The following UGT1A7 variants were observed in gnomAD, a reference collection of about 807,000 sequenced individuals.
UGT1A7 encodes UDP glucuronosyltransferase family 1 member A7, also known as UDP-glucuronosyltransferase 1A7.
UGT1A7 carries 33 observed loss-of-function variants against 45.6 expected under a neutral mutation model. That is an observed-to-expected ratio of 0.72 (90% confidence interval 0.55 to 0.97). The LOEUF is 0.97. Among genes scored for constraint, UGT1A7 ranks in the 50% least tolerant of loss-of-function variants. The pLI is 0.00. For synonymous variants in UGT1A7, 274 were observed against 250.6 expected (o/e 1.09, Z -0.88); for missense variants, 684 against 666.2 (o/e 1.03, Z -0.29).
chr2:233,769,576 T>C lies in UGT1A7; in HGVS notation c.1295+1137T>C. The C allele has an allele frequency of 3.1e-6, 5 of 1,612,860 alleles. No individual in the cohort carries two copies. Among genetic ancestry groups the C allele is most frequent in the Non-Finnish European group, 4.2e-6 (5 of 1,179,860 alleles). ...GACAGATGTGAAGAGCTGGAGCATG[T>C]TCAGATGAGAGGAGACGGAACACGG... On this transcript the variant is annotated intron_variant, in intron 4 of 4. Coordinates refer to ENST00000373426, the MANE Select transcript of UGT1A7 (RefSeq NM_019077.3). The surrounding 1 kb of genome is among the most constrained non-coding windows in gnomAD (Gnocchi z 4.4).
rs528831440 is a variant in UGT1A7, at chr2:233,734,491, G to GT, written c.856-32536dup. Among the ~76,000 whole-genome samples, 467 of 152,022 alleles carry GT rather than the reference G, an allele frequency of 3.1e-3. 1 individual carries two copies. Among genetic ancestry groups the GT allele is most frequent in the Admixed American group, 5.0e-3 (77 of 15,264 alleles). On this transcript the variant is annotated intron_variant, in intron 1 of 4. Coordinates refer to ENST00000373426, the MANE Select transcript of UGT1A7 (RefSeq NM_019077.3). ...CCTGGATTCATTGATTTTTTTGAAG[G>GT]TTTTTTTGTGTCTCTATCTCTTTCA...
At chr2:233,718,963 T>C (rs138086321) in intron 1 of UGT1A7, 288 of 1,614,194 alleles carry the variant, frequency 1.8e-4, no homozygotes, top group South Asian at 4.9e-4. Context: ...CGGGAGGCCT[T>C]GCGGGAGCTC....
intron 1 of UGT1A7, among the ~76,000 whole-genome samples, chr2:233,739,658 C>G (rs1397600161): frequency 6.6e-6 from 1 of 152,228 alleles, no homozygotes; most frequent in Non-Finnish European, 1.5e-5. Context: ...TCTGTACCCC[C>G]ATTGTGTCTT....
At chr2:233,767,198 A>G in intron 2 of UGT1A7, 33 bp downstream of exon 2, 1 of 1,613,498 alleles carries the variant, frequency 6.2e-7, no homozygotes, top group Non-Finnish European at 8.5e-7. Flanking sequence ...CCTCATATCT[A>G]TTTTCACAGG....
intron 1 of UGT1A7, among the ~76,000 whole-genome samples, chr2:233,697,029 G>T (rs561369376): frequency 6.6e-6 from 1 of 152,092 alleles, no homozygotes; most frequent in South Asian, 2.1e-4. Context: ...ATATGGGCCC[G>T]CAGTTTTCTT....
At chr2:233,713,443 C>G (rs1477253039) in intron 1 of UGT1A7, 1 of 1,614,054 alleles carries the variant, frequency 6.2e-7, no homozygotes, top group African/African-American at 1.3e-5. Context: ...GTGGTTCTAA[C>G]AGACCCCTTT....
chr2:233,703,685 T>G (rs1041674498), intron 1 of UGT1A7, among the ~76,000 whole-genome samples: 1 of 152,164 alleles, frequency 6.6e-6, no homozygotes, highest in East Asian at 1.9e-4. Context: ...ATATTTTTTT[T>G]CCACCATTTA....
Position 233,772,397 on chromosome 2 carries a change from C to A in UGT1A7, c.1431C>A (p.Asp477Glu). Residue 477 changes from aspartate (D) to glutamate (E), a missense_variant, in exon 5 of 5, where the codon GAC becomes GAA. By Grantham distance (45) the Asp-to-Glu change is conservative. Coordinates refer to ENST00000373426, the MANE Select transcript of UGT1A7 (RefSeq NM_019077.3). ...GAPHLRPAAH[D>E]LTWYQYHSLD... The stretch of plus-strand genomic sequence containing the variant: ...CACACCTGCGCCCCGCAGCCCACGA[C>A]CTCACCTGGTACCAGTACCATTCCT... The A allele has an allele frequency of 6.2e-7, 1 of 1,614,254 alleles. No individual in the cohort carries two copies. The highest frequency in any genetic ancestry group is 8.5e-7 in the Non-Finnish European group (1 of 1,180,050).
chr2:233,750,292 G>T (rs1321063731), intron 1 of UGT1A7, among the ~76,000 whole-genome samples: 1 of 151,952 alleles, frequency 6.6e-6, no homozygotes, highest in Non-Finnish European at 1.5e-5. Context: ...GTGGCATTTT[G>T]CCCCTGCCCT....
intron 1 of UGT1A7, among the ~76,000 whole-genome samples, chr2:233,692,510 T>C (rs1457280263): frequency 1.3e-5 from 2 of 152,160 alleles, no homozygotes; most frequent in Non-Finnish European, 2.9e-5. Context: ...CCTTAACCTG[T>C]GGGGTCCGTG....
chr2:233,706,865 A>T (rs2075928128), intron 1 of UGT1A7, among the ~76,000 whole-genome samples: 1 of 152,188 alleles, frequency 6.6e-6, no homozygotes, highest in South Asian at 2.1e-4. Flanking sequence ...AGATTCCTAG[A>T]CCTGGCACTT....
At chr2:233,713,803 C>T (rs2076347667) in intron 1 of UGT1A7, 2 of 1,614,054 alleles carry the variant, frequency 1.2e-6, no homozygotes, top group Non-Finnish European at 1.7e-6. Context: ...CCGATCATGC[C>T]CAACATGGTC....
chr2:233,760,162 T>C (rs967006180), intron 1 of UGT1A7: 7 of 1,514,606 alleles, frequency 4.6e-6, no homozygotes, highest in Admixed American at 4.0e-5. Flanking sequence ...CTGCTACCTT[T>C]GTGGACTGAC....
intron 1 of UGT1A7, among the ~76,000 whole-genome samples, chr2:233,715,749 G>C (rs1295869903): frequency 1.3e-5 from 2 of 152,196 alleles, no homozygotes; most frequent in African/African-American, 2.4e-5. Flanking sequence ...TCCAGCCTGA[G>C]TGACAGAGCG....
In UGT1A7 at chr2:233,767,859, G is replaced by C. The variant is rs750453538; in HGVS notation, c.998G>C (p.Arg333Pro). ...LGKIPQTVLWRYTGTRPSNLA... is the reference protein window; with the variant it reads ...LGKIPQTVLWPYTGTRPSNLA... Reference sequence around the variant, plus strand: ...TTTTGCCCCTCCCAGGTCCTGTGGCGGTACACTGGAACCCGACCATCGAAT... The same window carrying C: ...TTTTGCCCCTCCCAGGTCCTGTGGCCGTACACTGGAACCCGACCATCGAAT... Residue 333 changes from arginine to proline, a missense_variant, in exon 3 of 5, where the codon CGG becomes CCG. Physicochemically the swap from Arg to Pro is moderately radical, Grantham distance 103 (BLOSUM62 -2). Transcript: ENST00000373426. 6.2e-7 allele frequency: 1 copy of C among 1,613,938 alleles called. No individual in the cohort carries two copies. The highest frequency in any genetic ancestry group is 1.3e-5 in the African/African-American group (1 of 74,850).
In UGT1A7 at chr2:233,772,799, AT is replaced by A; in HGVS notation, c.*245del. 3 of 1,169,378 alleles carry A rather than the reference AT, an allele frequency of 2.6e-6. No homozygotes were observed. The highest frequency in any genetic ancestry group is 3.4e-6 in the Non-Finnish European group (3 of 874,384). 72.4% of individuals were successfully genotyped at this position (1,169,378 alleles called of 1,614,324 possible). ...GTCTTTGATCAGGATGACATGTGCC[AT>A]TTTTCAGAGGACGTGCAGACAGGCT... is the stretch of plus-strand genomic sequence containing the variant. On this transcript the variant is annotated 3_prime_UTR_variant, in exon 5 of 5. Transcript: ENST00000373426.
chr2:233,697,528 G>A (rs1448726648), intron 1 of UGT1A7, among the ~76,000 whole-genome samples: 1 of 142,188 alleles, frequency 7.0e-6, no homozygotes, highest in African/African-American at 2.6e-5. Context: ...AAAACTTTTT[G>A]TTTCATTGGT....
intron 1 of UGT1A7, chr2:233,730,017 A>G (rs1485743576): frequency 6.2e-7 from 1 of 1,613,756 alleles, no homozygotes; most frequent in South Asian, 1.1e-5. Flanking sequence ...CCTTCATCCA[A>G]TCAATGTTCC....
chr2:233,725,667 A>G (rs756322842), intron 1 of UGT1A7, among the ~76,000 whole-genome samples: 6 of 152,188 alleles, frequency 3.9e-5, no homozygotes, highest in Non-Finnish European at 8.8e-5. Context: ...AATTTGGAAT[A>G]GTCACATTTC....
Sources: gnomAD v4.1 joint callset for allele counts (sites outside exome capture counted in the v4.1 genomes callset) on GRCh38, gnomAD v4.1.1 for gene constraint, Gnocchi (gnomAD v3.1) non-coding constraint, MANE v1.5 for transcripts, NCBI Gene and HGNC (gene_info 2026-07-23, HGNC 2026-07-21) for gene names.